CDKAL1: variants seen among roughly 807,000 people sequenced by gnomAD.
CDKAL1 encodes the protein CDKAL1 threonylcarbamoyladenosine tRNA methylthiotransferase, also known as threonylcarbamoyladenosine tRNA methylthiotransferase.
CDKAL1 carries 32 observed loss-of-function variants against 68.2 expected under a neutral mutation model. The ratio of observed to expected loss-of-function variants is 0.47; its 90% CI spans 0.35 to 0.63. The LOEUF (loss-of-function observed/expected upper bound fraction) is 0.63. Among genes scored for constraint, CDKAL1 ranks in the 30% least tolerant of loss-of-function variants. The pLI is 0.00. For missense variants in CDKAL1, 606 were observed against 696.7 expected (o/e 0.87, Z 1.47); for synonymous variants, 234 against 244.3 (o/e 0.96, Z 0.39).
intron 10 of CDKAL1, among the ~76,000 whole-genome samples, chr6:20,973,935 T>C (rs1272709713): frequency 6.6e-6 from 1 of 152,204 alleles, no homozygotes; most frequent in African/African-American, 2.4e-5. Context: ...GCAATGACTA[T>C]AAACAATTTT....
In CDKAL1 at chr6:20,890,063, A is replaced by G. The variant is rs562326107; in HGVS notation, c.742+43885A>G. 2.4e-4 allele frequency among the ~76,000 whole-genome samples: 37 copies of G among 152,230 alleles called. 1 individual carries two copies. The highest frequency in any genetic ancestry group is 1.6e-3 in the Admixed American group (24 of 15,284). Reference sequence around the variant, plus strand: ...GCTACCGTGCCCGGGCTACATTTCCATTTATGTAGATTTTCCATCAAATAA... The same window carrying G: ...GCTACCGTGCCCGGGCTACATTTCCGTTTATGTAGATTTTCCATCAAATAA... On this transcript the variant is annotated intron_variant, in intron 9 of 15. Transcript: ENST00000274695.
chr6:20,639,373 G>A (rs7758612), intron 4 of CDKAL1, among the ~76,000 whole-genome samples: 105,991 of 151,866 alleles, frequency 0.7, 37,240 homozygotes, highest in African/African-American at 0.76. Flanking sequence ...CATACAAAGG[G>A]CCAGTTCATA....
chr6:20,890,964 C>T (rs918421597), intron 9 of CDKAL1, among the ~76,000 whole-genome samples: 1 of 152,124 alleles, frequency 6.6e-6, no homozygotes, highest in African/African-American at 2.4e-5. Context: ...GTTTAATCCT[C>T]ACAAAAGATG....
At chr6:20,885,918 A>G (rs1041421018) in intron 9 of CDKAL1, among the ~76,000 whole-genome samples, 1 of 152,108 alleles carries the variant, frequency 6.6e-6, no homozygotes. Context: ...CCCCATCTCT[A>G]TTAAAAATAA....
intron 8 of CDKAL1, among the ~76,000 whole-genome samples, chr6:20,839,335 A>G (rs756379189): frequency 1.2e-4 from 18 of 152,174 alleles, no homozygotes; most frequent in East Asian, 9.6e-4. Flanking sequence ...GTTGTTTAAA[A>G]TGTGCTATTT....
At chr6:20,588,358 C>G (rs532764207) in intron 4 of CDKAL1, among the ~76,000 whole-genome samples, 184 of 152,288 alleles carry the variant, frequency 1.2e-3, no homozygotes, top group African/African-American at 3.8e-3. Context: ...CTCCCTCACC[C>G]AAAAATTCAT....
chr6:20,910,976 A>G (rs138565954), intron 9 of CDKAL1, among the ~76,000 whole-genome samples: 2 of 152,360 alleles, frequency 1.3e-5, no homozygotes, highest in Non-Finnish European at 2.9e-5. Flanking sequence ...TACGGGCCAT[A>G]GAATGAAACA....
At chr6:21,074,522 C>G (rs998257449) in intron 12 of CDKAL1, among the ~76,000 whole-genome samples, 3 of 152,116 alleles carry the variant, frequency 2.0e-5, no homozygotes, top group Non-Finnish European at 4.4e-5. Flanking sequence ...TAATTATGCT[C>G]TAGGTAAAAA....
rs569886310 is a variant in CDKAL1 at position 21,113,413 on chromosome 6, G to A, written c.1299+4950G>A. The stretch of plus-strand genomic sequence containing the variant: ...TATAATCTCAGCACTTTGGGAGGCC[G>A]AGGCAGTAGGACCACTTGAGGCCAG... On this transcript the variant is annotated intron_variant, in intron 13 of 15. Coordinates refer to ENST00000274695, the MANE Select transcript of CDKAL1 (RefSeq NM_017774.3). Among the ~76,000 whole-genome samples, 3 of 152,158 alleles carry A rather than the reference G, an allele frequency of 2.0e-5. No individual in the cohort carries two copies. In the South Asian group the frequency reaches 6.2e-4, roughly 32 times the overall value.
intron 8 of CDKAL1, among the ~76,000 whole-genome samples, chr6:20,813,144 G>C (rs7747989): frequency 0.29 from 43,404 of 151,854 alleles, 6,717 homozygotes; most frequent in East Asian, 0.53. Flanking sequence ...AGAGAATCTT[G>C]CTTTATAGGC....
intron 4 of CDKAL1, among the ~76,000 whole-genome samples, chr6:20,613,258 T>C (rs1432182083): frequency 2.8e-4 from 3 of 10,660 alleles, no homozygotes; most frequent in African/African-American, 8.0e-4. Context: ...TCTTTTTTTT[T>C]TTTTTTTTTT....
chr6:21,172,534 G>A (rs965449823), intron 13 of CDKAL1, among the ~76,000 whole-genome samples: 7 of 152,142 alleles, frequency 4.6e-5, no homozygotes, highest in Admixed American at 4.6e-4. Context: ...CAGATCGCTC[G>A]AGCCCAGGAG....
intron 8 of CDKAL1, among the ~76,000 whole-genome samples, chr6:20,826,533 G>C (rs909107636): frequency 6.6e-6 from 1 of 152,000 alleles, no homozygotes; most frequent in Non-Finnish European, 1.5e-5. Flanking sequence ...TGTCTGACTC[G>C]CACATGGTAT....
At chr6:21,057,007 AT>A (rs1770872837) in intron 11 of CDKAL1, among the ~76,000 whole-genome samples, 1 of 151,960 alleles carries the variant, frequency 6.6e-6, no homozygotes, top group Non-Finnish European at 1.5e-5. Flanking sequence ...TCGTTGCCAG[AT>A]TTTGGTATCA....
At chr6:20,721,818 C>T (rs750742974) in intron 5 of CDKAL1, among the ~76,000 whole-genome samples, 17 of 150,128 alleles carry the variant, frequency 1.1e-4, no homozygotes, top group African/African-American at 2.5e-4. Flanking sequence ...CTGCAACCTC[C>T]GCCTCCTGGG....
intron 9 of CDKAL1, among the ~76,000 whole-genome samples, chr6:20,865,083 T>G (rs1759829935): frequency 6.6e-6 from 1 of 152,208 alleles, no homozygotes. Context: ...CATCTTTATA[T>G]TCACCTCATG....
chr6:20,827,606 A>T (rs1050410415), intron 8 of CDKAL1, among the ~76,000 whole-genome samples: 1 of 152,158 alleles, frequency 6.6e-6, no homozygotes, highest in Non-Finnish European at 1.5e-5. Flanking sequence ...TGTTTTAGAC[A>T]TAAAAAAAAA....
intron 13 of CDKAL1, among the ~76,000 whole-genome samples, chr6:21,191,986 A>ATTTT: frequency 4.3e-5 from 1 of 23,328 alleles, no homozygotes; most frequent in Non-Finnish European, 9.5e-5. Context: ...TTTATAATTC[A>ATTTT]TTTTTCTTTT....
At position 21,230,981 on chromosome 6, in the gene CDKAL1, C is replaced by T. The variant is rs142991131; in HGVS notation, c.1682C>T (p.Ser561Phe). 2.6e-4 allele frequency: 426 copies of T among 1,613,306 alleles called. 1 individual carries two copies. The highest frequency in any genetic ancestry group is 6.6e-4 in the Middle Eastern group (4 of 6,062). ...CATCAAGACTGTGCGCTGAGGATGT[C>T]CGTGGGCTTGGCTCTGCTGGGTCTT... ...RLHQDCALRM[S>F]VGLALLGLLF... The change falls in exon 16 of 16, where the codon TCC (serine) becomes TTC (phenylalanine). Residue 561 changes from serine (S) to phenylalanine (F), a missense_variant. Transcript: ENST00000274695.
Sources: allele counts gnomAD v4.1 joint callset (sites outside exome capture counted in the v4.1 genomes callset), GRCh38; gene constraint gnomAD v4.1.1; transcripts MANE v1.5; gene names NCBI Gene and HGNC (gene_info 2026-07-23, HGNC 2026-07-21).